MDP1: variants seen among roughly 807,000 people sequenced by gnomAD.
MDP1 encodes the protein magnesium-dependent phosphatase 1.
Under a neutral mutation model 21.6 loss-of-function variants are expected in MDP1, and 18 were observed. The ratio of observed to expected loss-of-function variants is 0.83; its 90% CI spans 0.58 to 1.24. The LOEUF is 1.24. Among genes scored for constraint, MDP1 ranks in the 50% most tolerant of loss-of-function variants. The probability of loss-of-function intolerance (pLI) is 0.00; values close to 1 mark genes in which losing one functional copy is unlikely to be tolerated. For synonymous variants in MDP1, 101 were observed against 83.2 expected (o/e 1.21, Z -1.16); for missense variants, 207 against 218.6 (o/e 0.95, Z 0.33).
At position 24,214,159 on chromosome 14, in the gene MDP1, G is replaced by A. The variant is rs1486142482; in HGVS notation, c.404-8C>T. 1.2e-6 allele frequency: 2 copies of A among 1,608,340 alleles called. No homozygotes were observed. The highest frequency in any genetic ancestry group is 1.1e-5 in the South Asian group (1 of 90,620). On this transcript the variant is annotated splice_region_variant and splice_polypyrimidine_tract_variant and intron_variant, in intron 5 of 5. Coordinates refer to ENST00000288087, the MANE Select transcript of MDP1 (RefSeq NM_138476.4). ...TGTGAATGCAGGTAACACCTAGAAA[G>A]ATAAGAAGTCACATTTCATTAAGCT...
Position 24,214,474 on chromosome 14 carries a change from T to TC in MDP1, c.317+17dup, listed in dbSNP as rs1196437515. 1 of 1,614,180 alleles carries TC rather than the reference T, an allele frequency of 6.2e-7. No individual in the cohort carries two copies. Among genetic ancestry groups the TC allele is most frequent in the South Asian group, 1.1e-5 (1 of 91,086 alleles). ...CTCTGATACTTTCTCACCCTGCTCCTCCCTTATCTCCGCATACCTCTCAAA... is the reference window on the plus strand; with the variant it reads ...CTCTGATACTTTCTCACCCTGCTCCTCCCCTTATCTCCGCATACCTCTCAAA... On this transcript the variant is annotated intron_variant, in intron 4 of 5. Coordinates refer to ENST00000288087, the MANE Select transcript of MDP1 (RefSeq NM_138476.4).
chr14:24,214,847 A>G (rs1352194675), intron 3 of MDP1, among the ~76,000 whole-genome samples: 1 of 151,986 alleles, frequency 6.6e-6, no homozygotes, highest in East Asian at 1.9e-4. Flanking sequence ...CAGCGACCCA[A>G]TCACGGCTCA....
chr14:24,214,447 C>T (rs1395383289), intron 4 of MDP1, 45 bp downstream of exon 4: 1 of 1,614,142 alleles, frequency 6.2e-7, no homozygotes, highest in Non-Finnish European at 8.5e-7. Flanking sequence ...TTTCCCAGGC[C>T]TCTCTGATAC....
rs2039680117 is a variant in MDP1 at position 24,215,723 on chromosome 14, T to A, written c.98+14A>T. ...GTCCTATCTCGCCCCCAGTCTTCCC[T>A]GTCCCTACCTCACCTGCTCTTATGG... On this transcript the variant is annotated intron_variant, in intron 2 of 5. Coordinates refer to ENST00000288087, the MANE Select transcript of MDP1 (RefSeq NM_138476.4). 1.9e-6 allele frequency: 3 copies of A among 1,614,076 alleles called. No homozygotes were observed. Among genetic ancestry groups the A allele is most frequent in the African/African-American group, 2.7e-5 (2 of 74,920 alleles).
Position 24,214,538 on chromosome 14 carries a change from CA to C in MDP1, c.270del (p.Phe90LeufsTer29), listed in dbSNP as rs2039643116. On this transcript the variant is annotated frameshift_variant, in exon 4 of 6. Coordinates refer to ENST00000288087, the MANE Select transcript of MDP1 (RefSeq NM_138476.4). LOFTEE classifies it high-confidence loss of function. ...LLELFDLFRY[F>X]VHREIYPGSK... ...CTGCCTGGATAGATTTCCCGATGAA[CA>C]AAGTACCTGAAGAGGTCAAAGAGCT... 1 of 1,614,066 alleles carries C rather than the reference CA, an allele frequency of 6.2e-7. No homozygotes were observed. The highest frequency in any genetic ancestry group is 1.3e-5 in the African/African-American group (1 of 74,904).
intron 5 of MDP1, 64 bp downstream of exon 5, chr14:24,214,246 A>G: frequency 6.2e-7 from 1 of 1,613,556 alleles, no homozygotes; most frequent in Non-Finnish European, 8.5e-7. Flanking sequence ...AAACTATCCA[A>G]CCTGTATGTA....
chr14:24,215,415 C>T (rs1191178505), intron 3 of MDP1, 137 bp downstream of exon 3: 2 of 1,035,702 alleles, frequency 1.9e-6, no homozygotes, highest in East Asian at 4.8e-5. Context: ...TTAAAAGGCA[C>T]AGGAGAGCGT....
In MDP1 at chr14:24,216,016, C is replaced by A. The variant is rs1041821296; in HGVS notation, c.-61G>T. ...GCTTCACCCGGGGCCTTAGAGAGTG[C>A]GGAACCTCCGGCAGCTAAGGCAGCC... On this transcript the variant is annotated 5_prime_UTR_variant, in exon 1 of 6. Transcript: ENST00000288087. 81 of 1,607,850 alleles carry A rather than the reference C, an allele frequency of 5.0e-5. No homozygotes were observed. The African/African-American group carries it at 9.1e-4, about 18-fold the overall frequency.
rs2039683469 is a variant in MDP1, at chr14:24,215,807, G to A, written c.38-10C>T. ...GGCCAGAGAGTGTAATCTGCGAGAG[G>A]AAGGAGAGGGAAGGTTCAGCCTGGG... On this transcript the variant is annotated splice_polypyrimidine_tract_variant and intron_variant, in intron 1 of 5. Coordinates refer to ENST00000288087, the MANE Select transcript of MDP1 (RefSeq NM_138476.4). 6.2e-7 allele frequency: 1 copy of A among 1,614,122 alleles called. No individual in the cohort carries two copies. The highest frequency in any genetic ancestry group is 1.3e-5 in the African/African-American group (1 of 74,942).
rs2039632106 is a variant in MDP1, at chr14:24,214,149, C to G, written c.406G>C (p.Val136Leu). The G allele has an allele frequency of 8.1e-6, 13 of 1,610,114 alleles. No homozygotes were observed. The highest frequency in any genetic ancestry group is 1.1e-5 in the Non-Finnish European group (13 of 1,178,260). The change falls in exon 6 of 6, where the codon GTT becomes CTT. Residue 136 changes from valine to leucine, a missense_variant and splice_region_variant. Transcript: ENST00000288087. ...CCATTCTGGATGTGAATGCAGGTAA[C>G]ACCTAGAAAGATAAGAAGTCACATT... Reference protein sequence around the residue: ...RNIVDVSKLGVTCIHIQNGMN... With the variant: ...RNIVDVSKLGLTCIHIQNGMN...
In MDP1 at chr14:24,214,026, A is replaced by G; in HGVS notation, c.529T>C (p.Ter177GlnextTer14). The G allele has an allele frequency of 6.4e-7, 1 of 1,572,406 alleles. No homozygotes were observed. Among genetic ancestry groups the G allele is most frequent in the East Asian group, 2.3e-5 (1 of 44,410 alleles). The change falls in exon 6 of 6, where the codon TAA becomes CAA. Residue 177 changes from the stop codon to glutamine, a stop_lost. Transcript: ENST00000288087. ...SSLEESPFEA* is the reference protein window; with the variant it reads ...SSLEESPFEAQ ...TGCCTTCTTGATTTCCTTTCAGTTTAGGCCTCAAATGGGCTCTCCTCAAGG... is the reference window on the plus strand; with the variant it reads ...TGCCTTCTTGATTTCCTTTCAGTTTGGGCCTCAAATGGGCTCTCCTCAAGG...
intron 3 of MDP1, 152 bp from the exon 4 acceptor site, chr14:24,214,751 C>T (rs902078749): frequency 1.3e-6 from 1 of 798,090 alleles, no homozygotes; most frequent in Admixed American, 2.6e-5. Context: ...ACTCCATTGC[C>T]TTCCTATTTG....
Position 24,214,050 on chromosome 14 carries a change from G to T in MDP1, c.505C>A (p.Leu169Ile), listed in dbSNP as rs754875485. 1 of 1,600,596 alleles carries T rather than the reference G, an allele frequency of 6.2e-7. No individual in the cohort carries two copies. The highest frequency in any genetic ancestry group is 8.5e-7 in the Non-Finnish European group (1 of 1,177,542). The change falls in exon 6 of 6, where the codon CTT becomes ATT. Residue 169 changes from leucine (L) to isoleucine (I), a missense_variant. By Grantham distance (5) the Leu-to-Ile change is conservative. Transcript: ENST00000288087. ...KAQTGPLRSS[L>I]EESPFEA ...TAGGCCTCAAATGGGCTCTCCTCAA[G>T]GCTGGACCTCAAAGGCCCAGTTTGG...
In MDP1 at chr14:24,214,097, C is replaced by T. The variant is rs770403232; in HGVS notation, c.458G>A (p.Gly153Glu). 2 of 1,613,768 alleles carry T rather than the reference C, an allele frequency of 1.2e-6. No homozygotes were observed. The highest frequency in any genetic ancestry group is 4.5e-5 in the East Asian group (2 of 44,884). The stretch of plus-strand genomic sequence containing the variant: ...TTGGGCCTTCGCAAATGTCTCTAAC[C>T]CTTGACTTAGAGTTTGAAGATTCAT... ...NGMNLQTLSQ[G>E]LETFAKAQTG... The change falls in exon 6 of 6, where the codon GGG (glycine) becomes GAG (glutamate). Residue 153 changes from glycine (G) to glutamate (E), a missense_variant. Coordinates refer to ENST00000288087, the MANE Select transcript of MDP1 (RefSeq NM_138476.4).
chr14:24,215,799 T>C lies in MDP1; in HGVS notation c.38-2A>G. 6.2e-7 allele frequency: 1 copy of C among 1,614,200 alleles called. No homozygotes were observed. Among genetic ancestry groups the C allele is most frequent in the South Asian group, 1.1e-5 (1 of 91,082 alleles). ...CCCAGAAAGGCCAGAGAGTGTAATC[T>C]GCGAGAGGAAGGAGAGGGAAGGTTC... On this transcript the variant is annotated splice_acceptor_variant, in intron 1 of 5. Coordinates refer to ENST00000288087, the MANE Select transcript of MDP1 (RefSeq NM_138476.4). LOFTEE classifies it high-confidence loss of function.
Position 24,214,379 on chromosome 14 carries a change from C to T in MDP1, c.334G>A (p.Gly112Arg), listed in dbSNP as rs1437918801. Residue 112 changes from glycine (G) to arginine (R), a missense_variant, in exon 5 of 6, where the codon GGA (glycine) becomes AGA (arginine). Transcript: ENST00000288087. ...THFERLQQKTGIPFSQMIFFD... is the reference protein window; with the variant it reads ...THFERLQQKTRIPFSQMIFFD... ...AAGATCATCTGGGAGAAAGGAATTC[C>T]AGTCTTCTGCTGCAACCTATTCAAG... The T allele has an allele frequency of 6.2e-7, 1 of 1,614,188 alleles. No homozygotes were observed.
At chr14:24,214,764 A>G (rs2039649067) in intron 3 of MDP1, among the ~76,000 whole-genome samples, 165 bp from the exon 4 acceptor site, 1 of 152,130 alleles carries the variant, frequency 6.6e-6, no homozygotes, top group Non-Finnish European at 1.5e-5. Flanking sequence ...CCTATTTGAC[A>G]CAATTGGTGC....
chr14:24,215,569 G>A lies in MDP1; in HGVS notation c.192C>T (p.Pro64=), dbSNP rs767092868. The change falls in exon 3 of 6, where the codon CCC becomes CCT. Residue 64 remains proline, a synonymous_variant. Coordinates refer to ENST00000288087, the MANE Select transcript of MDP1 (RefSeq NM_138476.4). ...VLKRLQSLGV[P]GAAASRTSEI... is the part of the protein sequence containing the mutation. Reference sequence around the variant, plus strand: ...CTTCTTACCTTGAAGCAGCCGCACCGGGCACCCCAAGGCTCTGCAATCGTT... The same window carrying A: ...CTTCTTACCTTGAAGCAGCCGCACCAGGCACCCCAAGGCTCTGCAATCGTT... 6.2e-7 allele frequency: 1 copy of A among 1,614,132 alleles called. No homozygotes were observed. Among genetic ancestry groups the A allele is most frequent in the Admixed American group, 1.7e-5 (1 of 60,010 alleles).
chr14:24,213,969 G>T lies in MDP1; in HGVS notation c.*55C>A. ...AAAATCTCTTCTGTCACACACAGATGAACTTTAATAAATTACAAATGCACC... is the reference window on the plus strand; with the variant it reads ...AAAATCTCTTCTGTCACACACAGATTAACTTTAATAAATTACAAATGCACC... On this transcript the variant is annotated 3_prime_UTR_variant, in exon 6 of 6. Transcript: ENST00000288087. 6.5e-7 allele frequency: 1 copy of T among 1,531,814 alleles called. No homozygotes were observed. The highest frequency in any genetic ancestry group is 1.3e-5 in the South Asian group (1 of 77,860). The allele number at this position is 1,531,814 out of a possible 1,614,324, so 94.9% of individuals were successfully genotyped here. A position where few individuals can be genotyped will look rare whatever the true frequency, so the allele number is the denominator to read the frequency against.
Sources: gnomAD v4.1 joint callset for allele counts (sites outside exome capture counted in the v4.1 genomes callset) on GRCh38, gnomAD v4.1.1 for gene constraint, MANE v1.5 for transcripts, NCBI Gene and HGNC (gene_info 2026-07-23, HGNC 2026-07-21) for gene names.